COPS7A: variants seen among roughly 807,000 people sequenced by gnomAD.
COPS7A encodes the protein COP9 signalosome subunit 7A, also known as COP9 signalosome complex subunit 7a.
Under a neutral mutation model 35.2 loss-of-function variants are expected in COPS7A, and 20 were observed. That is an observed-to-expected ratio of 0.57 (90% CI 0.40 to 0.83). COPS7A has a LOEUF of 0.83. Among genes scored for constraint, COPS7A ranks in the 40% least tolerant of loss-of-function variants. COPS7A has a pLI of 0.00. For missense variants in COPS7A, 247 were observed against 347.5 expected (o/e 0.71, Z 2.30); for synonymous variants, 139 against 141.4 (o/e 0.98, Z 0.12).
intron 2 of COPS7A, among the ~76,000 whole-genome samples, chr12:6,727,310 C>G (rs1300895429): frequency 7.6e-6 from 1 of 132,044 alleles, no homozygotes; most frequent in Non-Finnish European, 1.5e-5. Flanking sequence ...GCACTCCAGC[C>G]TGGGTAACAG....
chr12:6,731,224 T>C lies in COPS7A; in HGVS notation c.*185T>C, dbSNP rs1941388760. On this transcript the variant is annotated 3_prime_UTR_variant, in exon 8 of 8. Coordinates refer to ENST00000543155, the MANE Select transcript of COPS7A (RefSeq NM_001164094.2). ...GAGGAGGCAAATGTAGGTCATGTTT[T>C]TGTTGGTACTTTCTGTTTTTTGTGA... 2.7e-6 allele frequency: 4 copies of C among 1,475,404 alleles called. No homozygotes were observed. The highest frequency in any genetic ancestry group is 1.4e-5 in the African/African-American group (1 of 70,680). The allele number at this position is 1,475,404 out of a possible 1,614,324, so 91.4% of individuals were successfully genotyped here. A position where few individuals can be genotyped will look rare whatever the true frequency, so the allele number is the denominator to read the frequency against.
At chr12:6,725,452 T>C (rs1435524398) in intron 2 of COPS7A, among the ~76,000 whole-genome samples, 6 of 152,142 alleles carry the variant, frequency 3.9e-5, no homozygotes, top group African/African-American at 9.7e-5. Flanking sequence ...CCACCGCACC[T>C]AGCCAACTTT....
Position 6,731,184 on chromosome 12 carries a change from C to T in COPS7A, c.*145C>T. On this transcript the variant is annotated 3_prime_UTR_variant, in exon 8 of 8. Transcript: ENST00000543155. ...ACCTCCCCTAACCCCAAACATAGAT[C>T]ACACCTTCTCTAGGGAGGAGGCAAA... The T allele has an allele frequency of 6.5e-7, 1 of 1,548,434 alleles. No individual in the cohort carries two copies. Among genetic ancestry groups the T allele is most frequent in the Middle Eastern group, 1.7e-4 (1 of 5,914 alleles).
chr12:6,730,770 T>C lies in COPS7A; in HGVS notation c.738T>C (p.Ala246=), dbSNP rs1280617640. 1 of 1,614,156 alleles carries C rather than the reference T, an allele frequency of 6.2e-7. No homozygotes were observed. Among genetic ancestry groups the C allele is most frequent in the Non-Finnish European group, 8.5e-7 (1 of 1,180,024 alleles). Residue 246 remains alanine, a synonymous_variant, in exon 7 of 8, where the codon GCT becomes GCC. Transcript: ENST00000543155. ...ACCTGACTGAGCTGAGGGAACCAGCTCCTGGCACCAACCAGCGCCAGCCCA... is the reference window on the plus strand; with the variant it reads ...ACCTGACTGAGCTGAGGGAACCAGCCCCTGGCACCAACCAGCGCCAGCCCA... The part of the protein sequence containing the change: ...EQHLTELREP[A]PGTNQRQPSK...
At chr12:6,730,305 C>A in intron 5 of COPS7A, 97 bp from the exon 6 acceptor site, 1 of 1,145,866 alleles carries the variant, frequency 8.7e-7, no homozygotes, top group Non-Finnish European at 1.3e-6. Context: ...GGGTGAGCTA[C>A]TGCGCCCTGC....
At chr12:6,727,764 T>C in intron 2 of COPS7A, 162 bp from the exon 3 acceptor site, 1 of 712,984 alleles carries the variant, frequency 1.4e-6, no homozygotes, top group Non-Finnish European at 2.5e-6. Context: ...GCCCTTCCTA[T>C]GTGAAGAGTG....
chr12:6,727,234 G>A (rs1485614146), intron 2 of COPS7A, among the ~76,000 whole-genome samples: 1 of 151,744 alleles, frequency 6.6e-6, no homozygotes, highest in Non-Finnish European at 1.5e-5. Context: ...CTGCTTGGGA[G>A]GCTGAGGCAG....
At position 6,729,457 on chromosome 12, in the gene COPS7A, C is replaced by G. The variant is rs778188375; in HGVS notation, c.530+8C>G. On this transcript the variant is annotated splice_region_variant and intron_variant, in intron 5 of 7. Transcript: ENST00000543155. This position sits in a 1 kb window ranked among gnomAD's most constrained non-coding sequence, Gnocchi z 4.2. Reference sequence around the variant, plus strand: ...CCGAACCCTGCAGGAATGGTGAGAACCGTATCCTGGCACTGTCCCCTTCTC... The same window carrying G: ...CCGAACCCTGCAGGAATGGTGAGAAGCGTATCCTGGCACTGTCCCCTTCTC... The G allele has an allele frequency of 1.9e-6, 3 of 1,612,126 alleles. No individual in the cohort carries two copies. Among genetic ancestry groups the G allele is most frequent in the Non-Finnish European group, 2.5e-6 (3 of 1,179,810 alleles).
Position 6,729,522 on chromosome 12 carries a change from C to T in COPS7A, c.530+73C>T. 2 of 1,489,792 alleles carry T rather than the reference C, an allele frequency of 1.3e-6. No individual in the cohort carries two copies. Among genetic ancestry groups the T allele is most frequent in the Non-Finnish European group, 1.8e-6 (2 of 1,096,272 alleles). 92.3% of individuals were successfully genotyped at this position (1,489,792 alleles called of 1,614,324 possible). A position where few individuals can be genotyped will look rare whatever the true frequency, so the allele number is the denominator to read the frequency against. ...AAAGGCGCTTCAGGGTGAGAGAGGG[C>T]AGGAGCTGGGCTGGTCCGCAGAGGT... On this transcript the variant is annotated intron_variant, in intron 5 of 7. Transcript: ENST00000543155. The surrounding 1 kb of genome is among the most constrained non-coding windows in gnomAD (Gnocchi z 4.2).
rs189202708 is a variant in COPS7A, at chr12:6,729,920, G to A, written c.530+471G>A. On this transcript the variant is annotated intron_variant, in intron 5 of 7. Transcript: ENST00000543155. The surrounding 1 kb of genome is among the most constrained non-coding windows in gnomAD (Gnocchi z 4.2). The stretch of plus-strand genomic sequence containing the variant: ...TCCCATCTTGCTCATCACTCCAGGC[G>A]CTTCCTTATCCCTCTCTGACCACAC... Among the ~76,000 whole-genome samples, 4 of 152,136 alleles carry A rather than the reference G, an allele frequency of 2.6e-5. No homozygotes were observed. The highest frequency in any genetic ancestry group is 6.5e-5 in the Admixed American group (1 of 15,272).
intron 5 of COPS7A, among the ~76,000 whole-genome samples, chr12:6,730,161 C>T (rs527770631): frequency 6.6e-6 from 1 of 152,336 alleles, no homozygotes; most frequent in South Asian, 2.1e-4. Context: ...GGACTACAGG[C>T]TCGTGTCACC....
Position 6,731,458 on chromosome 12 carries a change from T to C in COPS7A, c.*419T>C, listed in dbSNP as rs773692320. 99 of 503,740 alleles carry C rather than the reference T, an allele frequency of 2.0e-4. No homozygotes were observed. The highest frequency in any genetic ancestry group is 2.4e-4 in the South Asian group (3 of 12,504). The allele number at this position is 503,740 out of a possible 1,614,324, so 31.2% of individuals were successfully genotyped here. ...GTTCCTATACCCTACCCCTGACCTATTGAGCAGCCTCTGAAGAGCCATAGG... is the reference window on the plus strand; with the variant it reads ...GTTCCTATACCCTACCCCTGACCTACTGAGCAGCCTCTGAAGAGCCATAGG... On this transcript the variant is annotated 3_prime_UTR_variant, in exon 8 of 8. Coordinates refer to ENST00000543155, the MANE Select transcript of COPS7A (RefSeq NM_001164094.2).
At position 6,729,995 on chromosome 12, in the gene COPS7A, G is replaced by A. The variant is rs776048599; in HGVS notation, c.531-407G>A. 1.3e-5 allele frequency among the ~76,000 whole-genome samples: 2 copies of A among 152,118 alleles called. No individual in the cohort carries two copies. Among genetic ancestry groups the A allele is most frequent in the Non-Finnish European group, 2.9e-5 (2 of 68,014 alleles). On this transcript the variant is annotated intron_variant, in intron 5 of 7. Transcript: ENST00000543155. The surrounding 1 kb of genome is among the most constrained non-coding windows in gnomAD (Gnocchi z 4.2). Reference sequence around the variant, plus strand: ...GTGTTATCACAGGTGGTTTCTAGGTGCCCTGGTGAGGGTTCCCAACTCAGA... The same window carrying A: ...GTGTTATCACAGGTGGTTTCTAGGTACCCTGGTGAGGGTTCCCAACTCAGA...
At chr12:6,727,618 G>T (rs997624477) in intron 2 of COPS7A, 1 of 521,680 alleles carries the variant, frequency 1.9e-6, no homozygotes, top group Non-Finnish European at 3.7e-6. Flanking sequence ...GCAGTGTCTG[G>T]TGTGTATGTC....
At position 6,731,413 on chromosome 12, in the gene COPS7A, C is replaced by A; in HGVS notation, c.*374C>A. 1.0e-6 allele frequency: 1 copy of A among 976,150 alleles called. No homozygotes were observed. Among genetic ancestry groups the A allele is most frequent in the Non-Finnish European group, 1.4e-6 (1 of 729,706 alleles). 60.5% of individuals were successfully genotyped at this position (976,150 alleles called of 1,614,324 possible). A position where few individuals can be genotyped will look rare whatever the true frequency, so the allele number is the denominator to read the frequency against. ...ACAGGCGTTTTTTCTGCCACCCCAT[C>A]CCTGCATGCCTGATCCCCAGTTCCT... On this transcript the variant is annotated 3_prime_UTR_variant, in exon 8 of 8. Transcript: ENST00000543155.
intron 2 of COPS7A, among the ~76,000 whole-genome samples, chr12:6,726,613 A>T (rs1421192466): frequency 1.4e-5 from 2 of 139,920 alleles, no homozygotes; most frequent in Non-Finnish European, 1.6e-5. Flanking sequence ...AAAAAAAAAA[A>T]TAAATAAATA....
Position 6,730,805 on chromosome 12 carries a change from C to T in COPS7A, c.773C>T (p.Ala258Val), listed in dbSNP as rs1941373797. Residue 258 changes from alanine to valine, a missense_variant, in exon 7 of 8, where the codon GCC (alanine) becomes GTC (valine). Transcript: ENST00000543155. Reference sequence around the variant, plus strand: ...AACCAGCGCCAGCCCAGCAAGAAAGCCTCAAAGGGCAAGGGGTGAGCCAGG... The same window carrying T: ...AACCAGCGCCAGCCCAGCAAGAAAGTCTCAAAGGGCAAGGGGTGAGCCAGG... ...GTNQRQPSKK[A>V]SKGKGLRGSA... The T allele has an allele frequency of 1.9e-6, 3 of 1,614,134 alleles. No individual in the cohort carries two copies. Among genetic ancestry groups the T allele is most frequent in the Non-Finnish European group, 2.5e-6 (3 of 1,180,002 alleles).
chr12:6,728,390 G>A (rs1373727041), intron 4 of COPS7A, 79 bp downstream of exon 4: 3 of 1,249,016 alleles, frequency 2.4e-6, no homozygotes, highest in East Asian at 4.7e-5. Context: ...GACAGCCCTT[G>A]TCTAGACCGT....
intron 2 of COPS7A, chr12:6,725,863 A>T (rs950974896): frequency 8.8e-6 from 4 of 456,000 alleles, no homozygotes; most frequent in Non-Finnish European, 1.8e-5. Flanking sequence ...TTTCATCTGC[A>T]GTGGAACTAA....
Sources: allele counts gnomAD v4.1 joint callset (sites outside exome capture counted in the v4.1 genomes callset), GRCh38; gene constraint gnomAD v4.1.1; non-coding constraint Gnocchi (gnomAD v3.1); transcripts MANE v1.5; gene names NCBI Gene and HGNC (gene_info 2026-07-23, HGNC 2026-07-21).